PCDHGA10: variants seen among roughly 807,000 people sequenced by gnomAD.
The protein encoded by PCDHGA10 is protocadherin gamma subfamily A, 10, also known as protocadherin gamma-A10.
A neutral mutation model predicts 59.5 loss-of-function variants in PCDHGA10; 42 were observed. The ratio of observed to expected loss-of-function variants is 0.71; its 90% CI spans 0.55 to 0.91. PCDHGA10 has a LOEUF of 0.91. Among genes scored for constraint, PCDHGA10 ranks in the 40% least tolerant of loss-of-function variants. PCDHGA10 has a pLI of 0.00. For missense variants in PCDHGA10, 1,111 were observed against 1,198.2 expected (o/e 0.93, Z 1.07); for synonymous variants, 511 against 517.2 (o/e 0.99, Z 0.16).
At chr5:141,488,389 A>G (rs1322717951) in intron 1 of PCDHGA10, among the ~76,000 whole-genome samples, 1 of 152,224 alleles carries the variant, frequency 6.6e-6, no homozygotes, top group East Asian at 1.9e-4. Context: ...GAATTTGGTG[A>G]AACCATGAAA....
At chr5:141,433,546 T>C (rs1317735935) in intron 1 of PCDHGA10, among the ~76,000 whole-genome samples, 1 of 152,090 alleles carries the variant, frequency 6.6e-6, no homozygotes, top group Non-Finnish European at 1.5e-5. Context: ...TATCAGATAT[T>C]CTTTTCTGGC....
chr5:141,417,185 A>C (rs2096092787), intron 1 of PCDHGA10: 1 of 152,216 alleles, frequency 6.6e-6, no homozygotes, highest in Admixed American at 6.5e-5. Context: ...AGGAATTATT[A>C]CTTTCTGGGT....
In PCDHGA10 at chr5:141,413,207, C is replaced by G. The variant is rs563279284; in HGVS notation, c.32C>G (p.Ser11Ter). The G allele has an allele frequency of 2.1e-4, 334 of 1,612,874 alleles. 3 individuals carry two copies. In the South Asian group the frequency reaches 3.4e-3, roughly 17 times the overall value. The change falls in exon 1 of 4, where the codon TCA becomes TGA. Residue 11 changes from serine (S) to a stop codon, truncating the protein, a stop_gained. Coordinates refer to ENST00000398610, the MANE Select transcript of PCDHGA10 (RefSeq NM_018913.3). LOFTEE classifies it high-confidence loss of function. MAAQRNRSKE[S>*]KDCSGLVLLC... ...GCTCAAAGGAATCGCTCAAAGGAAT[C>G]AAAGGATTGCAGCGGGCTGGTCCTG... is the stretch of plus-strand genomic sequence containing the variant.
At chr5:141,430,652 A>G in intron 1 of PCDHGA10, 1 of 1,069,464 alleles carries the variant, frequency 9.4e-7, no homozygotes. Context: ...ATGTGGAAAC[A>G]ACGGAGGAGC....
At position 141,433,030 on chromosome 5, in the gene PCDHGA10, T is replaced by C. The variant is rs116611363; in HGVS notation, c.2436+17419T>C. ...TCCTGCAGACCTATTCCCACGAGGTTTCCCTCACCACGGACTCGCGGAAGA... is the reference window on the plus strand; with the variant it reads ...TCCTGCAGACCTATTCCCACGAGGTCTCCCTCACCACGGACTCGCGGAAGA... On this transcript the variant is annotated intron_variant, in intron 1 of 3. Transcript: ENST00000398610. 10,352 of 1,614,096 alleles carry C rather than the reference T, an allele frequency of 6.4e-3. 43 individuals are homozygous for C. The highest frequency in any genetic ancestry group is 8.6e-3 in the Middle Eastern group (52 of 6,062).
chr5:141,423,297 C>G lies in PCDHGA10; in HGVS notation c.2436+7686C>G, dbSNP rs1322889810. 3 of 1,614,170 alleles carry G rather than the reference C, an allele frequency of 1.9e-6. 1 individual carries two copies. The South Asian group carries it at 3.3e-5, about 18-fold the overall frequency. The stretch of plus-strand genomic sequence containing the variant: ...TGGCTAACTCTGAAACCTCAGACCT[C>G]TCGCTGTACTTGGTGGTGGCGGTGG... On this transcript the variant is annotated intron_variant, in intron 1 of 3. Transcript: ENST00000398610.
At chr5:141,479,620 G>A (rs2099501211) in intron 1 of PCDHGA10, 2 of 152,192 alleles carry the variant, frequency 1.3e-5, no homozygotes, top group African/African-American at 4.8e-5. Context: ...GGGAAACCAT[G>A]TCTCTTTAAC....
chr5:141,476,551 C>G lies in PCDHGA10; in HGVS notation c.2437-18256C>G, dbSNP rs367700651. ...CCCAGGAAATGAAATTGGAGATTAG[C>G]GAGGCCGTGGCTCCGGGGACGCGCT... On this transcript the variant is annotated intron_variant, in intron 1 of 3. Transcript: ENST00000398610. The surrounding 1 kb of genome is among the most constrained non-coding windows in gnomAD (Gnocchi z 7.6). 128 of 1,614,078 alleles carry G rather than the reference C, an allele frequency of 7.9e-5. No homozygotes were observed. Among genetic ancestry groups the G allele is most frequent in the Non-Finnish European group, 1.0e-4 (122 of 1,180,034 alleles).
At chr5:141,455,789 G>A (rs966897617) in intron 1 of PCDHGA10, among the ~76,000 whole-genome samples, 56 of 152,058 alleles carry the variant, frequency 3.7e-4, no homozygotes, top group African/African-American at 1.3e-3. Context: ...AACTTTTCCG[G>A]AGATGCTTTA....
chr5:141,436,035 A>G (rs957896521), intron 1 of PCDHGA10, among the ~76,000 whole-genome samples: 3 of 152,178 alleles, frequency 2.0e-5, no homozygotes, highest in Non-Finnish European at 4.4e-5. Flanking sequence ...CTAAATTTGT[A>G]TTTACATTAG....
intron 2 of PCDHGA10, among the ~76,000 whole-genome samples, chr5:141,501,290 TACACAC>T (rs55762287): frequency 0.081 from 10,957 of 136,038 alleles, 480 homozygotes; most frequent in African/African-American, 0.13. Context: ...TATTCCCTTA[TACACAC>T]ACACACACAC....
At chr5:141,494,569 T>G (rs1341706026) in intron 1 of PCDHGA10, among the ~76,000 whole-genome samples, 2 of 152,190 alleles carry the variant, frequency 1.3e-5, no homozygotes, top group Non-Finnish European at 2.9e-5. Flanking sequence ...GAAAGGAGTC[T>G]CAGCTTGCTC....
chr5:141,449,584 G>C (rs2098645697), intron 1 of PCDHGA10, among the ~76,000 whole-genome samples: 1 of 123,190 alleles, frequency 8.1e-6, no homozygotes, highest in South Asian at 2.5e-4. Context: ...GCAAGACTCT[G>C]TCTCAAAAAA....
At position 141,414,753 on chromosome 5, in the gene PCDHGA10, T is replaced by C. The variant is rs10041534; in HGVS notation, c.1578T>C (p.Tyr526=). 7.9e-4 allele frequency: 1,273 copies of C among 1,614,202 alleles called. 15 individuals carry two copies. The African/African-American group carries it at 0.015, about 19-fold the overall frequency. The part of the protein sequence containing the change: ...GVLYALRSFD[Y]EQFHELQMQV... ...TGTATGCACTCAGATCCTTCGACTA[T>C]GAGCAGTTTCATGAGCTACAGATGC... Residue 526 remains tyrosine (Y), a synonymous_variant, in exon 1 of 4, where the codon TAT becomes TAC. Transcript: ENST00000398610.
intron 1 of PCDHGA10, among the ~76,000 whole-genome samples, chr5:141,468,868 A>T (rs1006995156): frequency 9.2e-5 from 14 of 151,794 alleles, no homozygotes; most frequent in African/African-American, 2.4e-4. Flanking sequence ...TCCATCTCAA[A>T]AATAATAATA....
intron 1 of PCDHGA10, among the ~76,000 whole-genome samples, chr5:141,435,568 A>C (rs564789030): frequency 8.7e-4 from 132 of 152,274 alleles, no homozygotes; most frequent in Middle Eastern, 6.8e-3. Context: ...TTTTTTTAGT[A>C]CTGGGGCAAA....
In PCDHGA10 at chr5:141,414,101, A is replaced by G. The variant is rs759223225; in HGVS notation, c.926A>G (p.Glu309Gly). The change falls in exon 1 of 4, where the codon GAA becomes GGA. Residue 309 changes from glutamate to glycine, a missense_variant. Transcript: ENST00000398610. ...NKYTGEIKIS[E>G]NLDYEETGFY... ...TATACTGGAGAAATAAAAATATCAG[A>G]AAATCTAGATTATGAAGAAACCGGT... 1.9e-6 allele frequency: 3 copies of G among 1,593,930 alleles called. No individual in the cohort carries two copies. The African/African-American group carries it at 4.0e-5, about 21-fold the overall frequency.
chr5:141,460,608 T>A (rs2098993153), intron 1 of PCDHGA10, among the ~76,000 whole-genome samples: 1 of 152,186 alleles, frequency 6.6e-6, no homozygotes, highest in Non-Finnish European at 1.5e-5. Context: ...CTGTGTTAGA[T>A]GGATAGATAG....
At position 141,507,794 on chromosome 5, in the gene PCDHGA10, C is replaced by CT. The variant is rs576191739; in HGVS notation, c.2584+2314dup. On this transcript the variant is annotated intron_variant, in intron 3 of 3. Coordinates refer to ENST00000398610, the MANE Select transcript of PCDHGA10 (RefSeq NM_018913.3). ...CACAGGGCCTGACCCTCGTCTAAGC[C>CT]TGCGCCCTGGGGAACGGACCCTGGG... 7.9e-4 allele frequency among the ~76,000 whole-genome samples: 120 copies of CT among 152,356 alleles called. 2 individuals carry two copies. The highest frequency in any genetic ancestry group is 2.8e-3 in the African/African-American group (115 of 41,592).
Sources: allele counts gnomAD v4.1 joint callset (sites outside exome capture counted in the v4.1 genomes callset), GRCh38; gene constraint gnomAD v4.1.1; non-coding constraint Gnocchi (gnomAD v3.1); transcripts MANE v1.5; gene names NCBI Gene and HGNC (gene_info 2026-07-23, HGNC 2026-07-21).